MSN: variants seen among roughly 807,000 people sequenced by gnomAD.
MSN encodes moesin.
A neutral mutation model predicts 48.0 loss-of-function variants in MSN; 2 were observed. The ratio of observed to expected loss-of-function variants is 0.04; its 90% CI spans 0.02 to 0.13. The LOEUF is 0.13. Among genes scored for constraint, MSN ranks in the 10% least tolerant of loss-of-function variants. The pLI is 1.00. For missense variants in MSN, 267 were observed against 470.1 expected (o/e 0.57, Z 3.99); for synonymous variants, 146 against 166.9 (o/e 0.87, Z 0.97).
rs189956822 is a variant in MSN at position 65,620,331 on chromosome X, C to G, written c.-22+31719C>G. Among the ~76,000 whole-genome samples, 3 of 112,985 alleles carry G rather than the reference C, an allele frequency of 2.7e-5. No individual in the cohort carries two copies. In the East Asian group the frequency reaches 8.4e-4, roughly 32 times the overall value. ...CCTCGCTGCCGCCCCGCAGCTCCAT[C>G]TCAGAGTGCTGTGCTAGCAACCAGT... On this transcript the variant is annotated intron_variant, in intron 1 of 3. Transcript: ENST00000609672.
At chrX:65,623,084 T>C (rs1294368344) in intron 1 of MSN, among the ~76,000 whole-genome samples, 1 of 111,214 alleles carries the variant, frequency 9.0e-6, no homozygotes, top group African/African-American at 3.3e-5. Context: ...TGAATGTTCC[T>C]TCAATTCATG....
At chrX:65,656,517 G>A (rs1373091387) in intron 1 of MSN, among the ~76,000 whole-genome samples, 1 of 111,545 alleles carries the variant, frequency 9.0e-6, no homozygotes, top group African/African-American at 3.3e-5. Flanking sequence ...CCTGTCATGA[G>A]CTCCAAGGTT....
At chrX:65,605,359 C>G (rs146311438) in intron 1 of MSN, among the ~76,000 whole-genome samples, 1,301 of 111,935 alleles carry the variant, frequency 0.012, 12 homozygotes, top group Non-Finnish European at 0.019. Flanking sequence ...AGTCCTGCTA[C>G]ACTCAGAATA....
At chrX:65,733,994 C>T (rs1310828441) in intron 7 of MSN, among the ~76,000 whole-genome samples, 1 of 111,779 alleles carries the variant, frequency 8.9e-6, no homozygotes, top group African/African-American at 3.3e-5. Context: ...AGGGCTGTGG[C>T]CAAAGTCCAA....
chrX:65,682,839 A>G (rs1483911308), intron 1 of MSN, among the ~76,000 whole-genome samples: 1 of 112,346 alleles, frequency 8.9e-6, no homozygotes, highest in East Asian at 2.8e-4. Context: ...CCATTGATCC[A>G]CTGGAAACTA....
At chrX:65,709,973 A>G (rs942229713) in intron 1 of MSN, among the ~76,000 whole-genome samples, 2 of 111,796 alleles carry the variant, frequency 1.8e-5, no homozygotes, top group African/African-American at 3.3e-5. Context: ...ATAGCCTTCA[A>G]TGCCCTCCAC....
At chrX:65,690,297 T>C (rs182600154) in intron 1 of MSN, among the ~76,000 whole-genome samples, 1 of 111,971 alleles carries the variant, frequency 8.9e-6, no homozygotes, top group East Asian at 2.8e-4. Flanking sequence ...TGGATACAGC[T>C]GATCTGAGCA....
At chrX:65,609,632 C>T (rs778466197) in intron 1 of MSN, among the ~76,000 whole-genome samples, 13 of 111,285 alleles carry the variant, frequency 1.2e-4, no homozygotes, top group Non-Finnish European at 1.7e-4. Flanking sequence ...GTCTGTAATC[C>T]CAGCACTTTG....
chrX:65,662,896 G>T (rs1364328523), upstream of MSN, among the ~76,000 whole-genome samples: 1 of 112,095 alleles, frequency 8.9e-6, no homozygotes, highest in Non-Finnish European at 1.9e-5. Flanking sequence ...ACTGACAAGG[G>T]CTTAACATCT....
chrX:65,667,592 G>A (rs2070885963), upstream of MSN: 2 of 901,246 alleles, frequency 2.2e-6, no homozygotes, highest in South Asian at 5.2e-5. Context: ...GGAGGCGGGC[G>A]CGAGGGCGGG....
chrX:65,622,010 C>A (rs938975783), intron 1 of MSN, among the ~76,000 whole-genome samples: 1 of 110,502 alleles, frequency 9.0e-6, no homozygotes, highest in African/African-American at 3.3e-5. Context: ...GCTCTAATAG[C>A]TTTTGTTGTG....
At chrX:65,596,522 A>G (rs2070188061) in intron 1 of MSN, among the ~76,000 whole-genome samples, 1 of 110,882 alleles carries the variant, frequency 9.0e-6, no homozygotes. Flanking sequence ...GCTAGCTGGG[A>G]CATCACCACA....
chrX:65,609,928 G>T (rs923060112), intron 1 of MSN, among the ~76,000 whole-genome samples: 2 of 110,924 alleles, frequency 1.8e-5, no homozygotes, highest in Non-Finnish European at 3.8e-5. Flanking sequence ...TGTGTATGTT[G>T]TCTGTCTCCT....
At chrX:65,665,324 C>G (rs750870712), upstream of MSN, among the ~76,000 whole-genome samples, 10 of 111,898 alleles carry the variant, frequency 8.9e-5, no homozygotes, top group African/African-American at 2.6e-4. Context: ...AGTATTAAGG[C>G]GTGTGATGAG....
intron 1 of MSN, among the ~76,000 whole-genome samples, chrX:65,713,849 G>C (rs1054574392): frequency 1.8e-5 from 2 of 111,789 alleles, no homozygotes; most frequent in Non-Finnish European, 3.8e-5. Flanking sequence ...GAGAACATGT[G>C]GTATTCTACA....
chrX:65,694,173 T>C (rs2071206283), intron 1 of MSN, among the ~76,000 whole-genome samples: 1 of 110,178 alleles, frequency 9.1e-6, no homozygotes, highest in Non-Finnish European at 1.9e-5. Flanking sequence ...TCTAGGAGAG[T>C]ACCTGGCATA....
At chrX:65,687,342 T>G (rs1487070058) in intron 1 of MSN, among the ~76,000 whole-genome samples, 1 of 111,116 alleles carries the variant, frequency 9.0e-6, no homozygotes, top group Admixed American at 9.6e-5. Flanking sequence ...AGCGAGACTC[T>G]CTCAAAAAAC....
intron 4 of MSN, among the ~76,000 whole-genome samples, 157 bp downstream of exon 4, chrX:65,729,869 T>G (rs2071605676): frequency 8.9e-6 from 1 of 112,623 alleles, no homozygotes; most frequent in African/African-American, 3.2e-5. Flanking sequence ...GCATATAGTG[T>G]CAGACTCTGT....
intron 1 of MSN, among the ~76,000 whole-genome samples, chrX:65,635,554 G>A (rs184563109): frequency 1.1e-3 from 123 of 111,655 alleles, no homozygotes; most frequent in African/African-American, 3.8e-3. Context: ...TTCCAATGCA[G>A]TCCCAGCCCT....
Sources: gnomAD v4.1 joint callset for allele counts (sites outside exome capture counted in the v4.1 genomes callset) on GRCh38, gnomAD v4.1.1 for gene constraint, MANE v1.5 for transcripts, NCBI Gene and HGNC (gene_info 2026-07-23, HGNC 2026-07-21) for gene names.